Variants in CSMD1 observed in about 807,000 individuals in gnomAD.
CSMD1 encodes CUB and sushi domain-containing protein 1.
A neutral mutation model predicts 417.5 loss-of-function variants in CSMD1; 213 were observed. That is an observed-to-expected ratio of 0.51 (90% CI 0.46 to 0.57). The LOEUF is 0.57. Among genes scored for constraint, CSMD1 ranks in the 20% least tolerant of loss-of-function variants. The pLI is 0.00. For missense variants in CSMD1, 6,923 were observed against 4,529.7 expected (o/e 1.53, Z -15.17); for synonymous variants, 2,862 against 1,736.8 (o/e 1.65, Z -16.11).
chr8:3,570,279 G>A (rs1162683937), intron 10 of CSMD1, among the ~76,000 whole-genome samples: 2 of 152,308 alleles, frequency 1.3e-5, no homozygotes, highest in South Asian at 4.1e-4. Flanking sequence ...CTTGGTGTCT[G>A]GCTTGCCTGG....
At chr8:3,850,896 A>T (rs1306729835) in intron 5 of CSMD1, among the ~76,000 whole-genome samples, 2 of 152,158 alleles carry the variant, frequency 1.3e-5, no homozygotes, top group Non-Finnish European at 2.9e-5. Context: ...TATCACAGGA[A>T]ACAGAGTTTA....
chr8:3,980,325 C>T (rs200262380), intron 5 of CSMD1, among the ~76,000 whole-genome samples: 3 of 152,242 alleles, frequency 2.0e-5, no homozygotes, highest in Admixed American at 6.5e-5. Flanking sequence ...AATATGCGTC[C>T]GGAAGCAGTT....
chr8:4,199,519 A>G (rs2131248410), intron 3 of CSMD1, among the ~76,000 whole-genome samples: 1 of 152,290 alleles, frequency 6.6e-6, no homozygotes, highest in Non-Finnish European at 1.5e-5. Context: ...TTTCATTTAA[A>G]TATAAGCGAT....
intron 3 of CSMD1, among the ~76,000 whole-genome samples, chr8:4,243,771 A>C (rs965833942): frequency 3.9e-5 from 6 of 152,226 alleles, no homozygotes; most frequent in African/African-American, 1.4e-4. Context: ...TCTAGTATTC[A>C]ACGAGGAAAG....
At chr8:3,465,475 G>A (rs1156814998) in intron 12 of CSMD1, among the ~76,000 whole-genome samples, 1 of 152,130 alleles carries the variant, frequency 6.6e-6, no homozygotes, top group Non-Finnish European at 1.5e-5. Flanking sequence ...TCCTGAGGCA[G>A]CCCCCTCACC....
At chr8:4,647,065 G>T (rs1473677450) in intron 1 of CSMD1, among the ~76,000 whole-genome samples, 1 of 152,266 alleles carries the variant, frequency 6.6e-6, no homozygotes, top group Non-Finnish European at 1.5e-5. Context: ...TGGCAGCAAA[G>T]TCAGTTCTTA....
At chr8:3,163,283 C>T (rs1328429733) in intron 37 of CSMD1, among the ~76,000 whole-genome samples, 4 of 152,064 alleles carry the variant, frequency 2.6e-5, no homozygotes, top group East Asian at 3.9e-4. Context: ...CTTTATGGGG[C>T]CTTGGATTCG....
At chr8:3,595,280 G>A (rs1020007200) in intron 8 of CSMD1, among the ~76,000 whole-genome samples, 2 of 152,204 alleles carry the variant, frequency 1.3e-5, no homozygotes, top group Admixed American at 6.5e-5. Context: ...TGTGTGACTT[G>A]CTCAGCATTC....
chr8:4,832,293 C>A (rs1030609824), intron 1 of CSMD1, among the ~76,000 whole-genome samples: 1 of 152,128 alleles, frequency 6.6e-6, no homozygotes, highest in Non-Finnish European at 1.5e-5. Context: ...GATGTTCAGT[C>A]CTTAGCGCAC....
intron 10 of CSMD1, among the ~76,000 whole-genome samples, chr8:3,566,074 T>G (rs554521667): frequency 1.3e-3 from 201 of 152,064 alleles, no homozygotes; most frequent in Middle Eastern, 3.4e-3. Flanking sequence ...TTTCTGACCC[T>G]AGTCATTTAA....
chr8:4,206,493 T>C (rs561515991), intron 3 of CSMD1, among the ~76,000 whole-genome samples: 2 of 152,318 alleles, frequency 1.3e-5, no homozygotes, highest in East Asian at 3.9e-4. Flanking sequence ...GCTTCGTCCA[T>C]GTCCCTACAA....
At chr8:4,493,768 C>A (rs1436346680) in intron 2 of CSMD1, among the ~76,000 whole-genome samples, 3 of 152,128 alleles carry the variant, frequency 2.0e-5, no homozygotes. Flanking sequence ...ATAGAATCAA[C>A]TCTATCCCTA....
At chr8:3,586,758 G>A (rs1018136699) in intron 8 of CSMD1, among the ~76,000 whole-genome samples, 4 of 152,144 alleles carry the variant, frequency 2.6e-5, no homozygotes, top group African/African-American at 9.7e-5. Context: ...TGATATTTCA[G>A]AAATTCTTAT....
intron 3 of CSMD1, among the ~76,000 whole-genome samples, chr8:4,288,334 C>G (rs1164519404): frequency 6.6e-6 from 1 of 152,088 alleles, no homozygotes; most frequent in Admixed American, 6.6e-5. Context: ...CTCCCTTCAC[C>G]CTTCAATTTT....
intron 7 of CSMD1, among the ~76,000 whole-genome samples, chr8:3,630,193 G>A (rs185785256): frequency 4.2e-4 from 64 of 152,378 alleles, no homozygotes; most frequent in African/African-American, 1.5e-3. Flanking sequence ...CTCTCCGTCA[G>A]CTCCTGGGAG....
intron 3 of CSMD1, among the ~76,000 whole-genome samples, chr8:4,288,839 A>G (rs1041829808): frequency 6.6e-6 from 1 of 152,238 alleles, no homozygotes; most frequent in Non-Finnish European, 1.5e-5. Context: ...GTAAAGCACT[A>G]ATATAGGATA....
intron 1 of CSMD1, among the ~76,000 whole-genome samples, chr8:4,731,045 T>C (rs1475624545): frequency 1.3e-5 from 2 of 152,170 alleles, no homozygotes; most frequent in South Asian, 2.1e-4. Context: ...ATGAAGAGTA[T>C]GGAGGGTCTG....
chr8:3,311,017 C>G (rs1805300026), intron 23 of CSMD1, among the ~76,000 whole-genome samples: 1 of 152,176 alleles, frequency 6.6e-6, no homozygotes, highest in Non-Finnish European at 1.5e-5. Context: ...GGCTGCTCAA[C>G]TTAACAAATG....
At chr8:3,232,855 T>C (rs1397704584) in intron 26 of CSMD1, among the ~76,000 whole-genome samples, 2 of 152,142 alleles carry the variant, frequency 1.3e-5, no homozygotes, top group African/African-American at 4.8e-5. Flanking sequence ...TTTCAGTATG[T>C]ATTTAGTTGT....
Sources: gnomAD v4.1 joint callset for allele counts (sites outside exome capture counted in the v4.1 genomes callset) on GRCh38, gnomAD v4.1.1 for gene constraint, MANE v1.5 for transcripts, NCBI Gene and HGNC (gene_info 2026-07-23, HGNC 2026-07-21) for gene names.